Variants in PLCB1 observed in about 807,000 individuals in gnomAD.
The protein encoded by PLCB1 is phospholipase C beta 1.
Under a neutral mutation model 161.8 loss-of-function variants are expected in PLCB1, and 46 were observed. The ratio of observed to expected loss-of-function variants is 0.28; its 90% CI spans 0.22 to 0.36. The LOEUF (loss-of-function observed/expected upper bound fraction) is 0.36, where lower values mean the gene tolerates loss of function less well. Ranked by LOEUF, PLCB1 falls within the 10% of genes least tolerant of loss-of-function variation. The probability of loss-of-function intolerance (pLI) is 1.00; values close to 1 mark genes in which losing one functional copy is unlikely to be tolerated. For synonymous variants in PLCB1, 517 were observed against 503.7 expected (o/e 1.03, Z -0.35); for missense variants, 1,016 against 1,472.5 (o/e 0.69, Z 5.07).
chr20:8,365,155 T>TG (rs1292700299), intron 2 of PLCB1, among the ~76,000 whole-genome samples: 1 of 152,202 alleles, frequency 6.6e-6, no homozygotes. Flanking sequence ...AGGGAGATGT[T>TG]GCTGGCATCT....
chr20:8,606,852 C>T (rs796424599), intron 3 of PLCB1, among the ~76,000 whole-genome samples: 2 of 152,244 alleles, frequency 1.3e-5, no homozygotes, highest in African/African-American at 4.8e-5. Context: ...CAAGGTCTTT[C>T]TTAATTTTTG....
intron 2 of PLCB1, among the ~76,000 whole-genome samples, chr20:8,263,607 C>T (rs940976520): frequency 1.3e-5 from 2 of 152,086 alleles, no homozygotes; most frequent in South Asian, 2.1e-4. Context: ...GTAGAGACTA[C>T]TACATACCTA....
intron 31 of PLCB1, among the ~76,000 whole-genome samples, chr20:8,855,070 A>G (rs577500683): frequency 1.3e-5 from 2 of 152,318 alleles, no homozygotes; most frequent in Admixed American, 6.5e-5. Flanking sequence ...TAGCAAAAAC[A>G]TATGATTAAT....
chr20:8,179,152 T>G (rs116841880), intron 2 of PLCB1, among the ~76,000 whole-genome samples: 1,664 of 152,326 alleles, frequency 0.011, 15 homozygotes, highest in Non-Finnish European at 0.018. Context: ...TAGAATATTT[T>G]TTTCTAATTC....
intron 3 of PLCB1, among the ~76,000 whole-genome samples, chr20:8,523,509 T>TTTTTTTTCC (rs1165567913): frequency 4.1e-5 from 5 of 121,832 alleles, no homozygotes; most frequent in African/African-American, 1.6e-4. Context: ...TATATATATA[T>TTTTTTTTCC]ATATATATAT....
rs116524622 is a variant in PLCB1, at chr20:8,483,530, C to T, written c.246+112080C>T. Among the ~76,000 whole-genome samples, 1,157 of 152,284 alleles carry T rather than the reference C, an allele frequency of 7.6e-3. 22 individuals carry two copies. The highest frequency in any genetic ancestry group is 0.026 in the African/African-American group (1,079 of 41,562). ...TCTAAATGTTGGCCAAGTAATTTGC[C>T]TGAAGAGCCCTTCTCTGCCTGAAGC... On this transcript the variant is annotated intron_variant, in intron 3 of 31. Transcript: ENST00000338037.
chr20:8,358,041 T>A (rs1350807043), intron 2 of PLCB1, among the ~76,000 whole-genome samples: 2 of 149,678 alleles, frequency 1.3e-5, no homozygotes, highest in Admixed American at 1.3e-4. Context: ...CAGCAAGCCT[T>A]CATGATAGGC....
chr20:8,605,379 T>C (rs1266427690), intron 3 of PLCB1, among the ~76,000 whole-genome samples: 1 of 152,114 alleles, frequency 6.6e-6, no homozygotes, highest in African/African-American at 2.4e-5. Context: ...CGTAGTTCAC[T>C]TGATTAATTT....
intron 31 of PLCB1, among the ~76,000 whole-genome samples, chr20:8,866,664 G>C (rs6086671): frequency 0.3 from 45,550 of 151,980 alleles, 7,752 homozygotes; most frequent in East Asian, 0.65. Context: ...GGTGTCTGCT[G>C]TCTGTAACCA....
chr20:8,669,236 T>A (rs1041277019), intron 9 of PLCB1, among the ~76,000 whole-genome samples: 2 of 152,202 alleles, frequency 1.3e-5, no homozygotes, highest in African/African-American at 2.4e-5. Flanking sequence ...GAGGGAAGCT[T>A]GAAGGAAAAG....
At chr20:8,776,313 G>C (rs1307255703) in intron 27 of PLCB1, among the ~76,000 whole-genome samples, 1 of 152,170 alleles carries the variant, frequency 6.6e-6, no homozygotes, top group Non-Finnish European at 1.5e-5. Flanking sequence ...CAACTGGAAG[G>C]TGGTACATTT....
chr20:8,574,335 G>T (rs965729689), intron 3 of PLCB1, among the ~76,000 whole-genome samples: 16 of 152,100 alleles, frequency 1.1e-4, no homozygotes, highest in African/African-American at 3.9e-4. Flanking sequence ...AGAGGCAGAG[G>T]TTGCACTGAG....
intron 3 of PLCB1, among the ~76,000 whole-genome samples, chr20:8,507,203 G>A (rs532885106): frequency 3.3e-5 from 5 of 152,132 alleles, no homozygotes; most frequent in African/African-American, 4.8e-5. Context: ...TTGTCATCAC[G>A]TTGAGTAGGC....
intron 2 of PLCB1, among the ~76,000 whole-genome samples, chr20:8,180,348 A>G (rs913692579): frequency 6.6e-6 from 1 of 152,094 alleles, no homozygotes; most frequent in African/African-American, 2.4e-5. Flanking sequence ...TACTGAATTC[A>G]GTTTGCTAGT....
At chr20:8,879,334 T>C (rs1199203887) in intron 31 of PLCB1, among the ~76,000 whole-genome samples, 1 of 151,752 alleles carries the variant, frequency 6.6e-6, no homozygotes, top group African/African-American at 2.4e-5. Flanking sequence ...ACTAGATCCA[T>C]AATCTGTTAT....
At chr20:8,773,126 G>C (rs115473185) in intron 26 of PLCB1, among the ~76,000 whole-genome samples, 1,982 of 152,236 alleles carry the variant, frequency 0.013, 32 homozygotes, top group African/African-American at 0.046. Flanking sequence ...TCTAACACCA[G>C]CTTCAACCAA....
chr20:8,242,855 C>A (rs1262530904), intron 2 of PLCB1, among the ~76,000 whole-genome samples: 1 of 151,958 alleles, frequency 6.6e-6, no homozygotes, highest in East Asian at 1.9e-4. Flanking sequence ...TTGGAAATGT[C>A]ATCTCTGGTT....
chr20:8,691,000 A>G (rs1192974744), intron 10 of PLCB1, among the ~76,000 whole-genome samples: 1 of 152,222 alleles, frequency 6.6e-6, no homozygotes, highest in South Asian at 2.1e-4. Flanking sequence ...CTGCAAGGAA[A>G]TTAAGGAGAA....
intron 3 of PLCB1, among the ~76,000 whole-genome samples, chr20:8,457,712 GCGCACACACACACA>G (rs1480309325): frequency 3.3e-4 from 23 of 70,676 alleles, no homozygotes; most frequent in African/African-American, 1.5e-3. Context: ...TAATGTGTGC[GCGCACACACACACA>G]CACACACACA....
Sources: gnomAD v4.1 joint callset for allele counts (sites outside exome capture counted in the v4.1 genomes callset) on GRCh38, gnomAD v4.1.1 for gene constraint, MANE v1.5 for transcripts, NCBI Gene and HGNC (gene_info 2026-07-23, HGNC 2026-07-21) for gene names.